Variants in UTS2 observed in about 807,000 individuals in gnomAD.
UTS2 encodes the protein urotensin 2, also known as urotensin-2.
UTS2 carries 10 observed loss-of-function variants against 12.6 expected under a neutral mutation model. The ratio of observed to expected loss-of-function variants is 0.80; its 90% CI spans 0.49 to 1.35. The LOEUF (loss-of-function observed/expected upper bound fraction) is 1.35. Ranked by LOEUF, UTS2 falls within the 40% of genes most tolerant of loss-of-function variation. The probability of loss-of-function intolerance (pLI) is 0.00; values close to 1 mark genes in which losing one functional copy is unlikely to be tolerated. For missense variants in UTS2, 142 were observed against 143.2 expected, an observed-to-expected ratio of 0.99 and a Z score of 0.04; for synonymous variants, 52 against 50.0, an observed-to-expected ratio of 1.04 and a Z score of -0.17.
chr1:7,863,053 G>GTATTGTATT, the UTS2 span, among the ~76,000 whole-genome samples: 2 of 59,618 alleles, frequency 3.4e-5, no homozygotes, highest in African/African-American at 6.0e-5. Context: ...GTATTGTATT[G>GTATTGTATT]TATTGTATTG....
the UTS2 span, among the ~76,000 whole-genome samples, chr1:7,902,014 G>A: frequency 6.6e-6 from 1 of 152,298 alleles, no homozygotes; most frequent in Admixed American, 6.5e-5. Context: ...GATGAGGTGG[G>A]AGAGAATGAC....
At chr1:7,858,024 A>G (rs1294473836), upstream of UTS2, among the ~76,000 whole-genome samples, 3 of 152,254 alleles carry the variant, frequency 2.0e-5, no homozygotes, top group African/African-American at 7.2e-5. Flanking sequence ...GACCATTTCA[A>G]AATGAGGTGG....
the UTS2 span, among the ~76,000 whole-genome samples, chr1:7,865,000 C>T: frequency 1.4e-5 from 1 of 69,210 alleles, no homozygotes; most frequent in East Asian, 7.8e-4. Context: ...ATACCATCAT[C>T]CCCCTGTGTC....
the UTS2 span, among the ~76,000 whole-genome samples, chr1:7,888,022 T>C: frequency 1.3e-5 from 2 of 152,202 alleles, no homozygotes; most frequent in Admixed American, 6.5e-5. Context: ...CTTGCCTAAG[T>C]GGTCTAAGAT....
chr1:7,885,445 G>A, the UTS2 span, among the ~76,000 whole-genome samples: 11 of 152,282 alleles, frequency 7.2e-5, no homozygotes, highest in African/African-American at 2.2e-4. Flanking sequence ...AGGAAGGACA[G>A]GAGATGGCCC....
At chr1:7,886,675 C>T in the UTS2 span, among the ~76,000 whole-genome samples, 2 of 152,224 alleles carry the variant, frequency 1.3e-5, no homozygotes, top group African/African-American at 4.8e-5. Flanking sequence ...TCACTTTCTG[C>T]TTCAGTTTTC....
At chr1:7,874,807 G>A in the UTS2 span, among the ~76,000 whole-genome samples, 4 of 152,164 alleles carry the variant, frequency 2.6e-5, no homozygotes, top group South Asian at 2.1e-4. Context: ...TTACAGGGGC[G>A]GTTTCCTCCA....
chr1:7,890,184 T>C, the UTS2 span, among the ~76,000 whole-genome samples: 3 of 151,110 alleles, frequency 2.0e-5, no homozygotes, highest in African/African-American at 7.3e-5. Flanking sequence ...CCCTCCTCCC[T>C]CCATTAAGAG....
At chr1:7,893,794 G>T in the UTS2 span, among the ~76,000 whole-genome samples, 2 of 152,050 alleles carry the variant, frequency 1.3e-5, no homozygotes, top group East Asian at 3.9e-4. Context: ...ATATTTCGTC[G>T]CACTTTTTAA....
chr1:7,868,186 G>T, the UTS2 span, among the ~76,000 whole-genome samples: 1 of 152,114 alleles, frequency 6.6e-6, no homozygotes, highest in Non-Finnish European at 1.5e-5. Flanking sequence ...GTTAATGAGG[G>T]TGTCTTGCAG....
At chr1:7,886,046 T>TAAGGTATCCCAGGTA in the UTS2 span, among the ~76,000 whole-genome samples, 1 of 151,490 alleles carries the variant, frequency 6.6e-6, no homozygotes, top group Non-Finnish European at 1.5e-5. Flanking sequence ...CCGCACCTGT[T>TAAGGTATCCCAGGTA]CCCAGGTGTA....
At chr1:7,852,178 C>CTA (rs2097414870) in intron 1 of UTS2, among the ~76,000 whole-genome samples, 1 of 151,718 alleles carries the variant, frequency 6.6e-6, no homozygotes. Flanking sequence ...TAAAAAAAGC[C>CTA]TATTTAAAAA....
the UTS2 span, among the ~76,000 whole-genome samples, chr1:7,894,005 C>T: frequency 8.0e-3 from 1,211 of 152,270 alleles, 7 homozygotes; most frequent in Admixed American, 0.013. Context: ...TCTCTCTGCC[C>T]AGTGGTGGGG....
the UTS2 span, among the ~76,000 whole-genome samples, chr1:7,891,265 C>T: frequency 6.6e-6 from 1 of 152,068 alleles, no homozygotes; most frequent in South Asian, 2.1e-4. Context: ...CTATCATTAA[C>T]GATGCATTAT....
upstream of UTS2, among the ~76,000 whole-genome samples, chr1:7,856,643 G>A (rs2151385208): frequency 1.3e-5 from 2 of 152,410 alleles, no homozygotes; most frequent in Middle Eastern, 6.8e-3. Context: ...CCTCTAAGAT[G>A]GAAAGTGCTC....
At chr1:7,874,676 C>G in the UTS2 span, among the ~76,000 whole-genome samples, 2 of 152,236 alleles carry the variant, frequency 1.3e-5, no homozygotes, top group Non-Finnish European at 2.9e-5. Context: ...CCCCCAGCAG[C>G]GGGGTCACTG....
At chr1:7,898,071 A>G in the UTS2 span, among the ~76,000 whole-genome samples, 1 of 152,218 alleles carries the variant, frequency 6.6e-6, no homozygotes, top group Non-Finnish European at 1.5e-5. Context: ...CTACAGATTT[A>G]GGGTTGTCCA....
the UTS2 span, among the ~76,000 whole-genome samples, chr1:7,899,654 C>G: frequency 6.6e-6 from 1 of 152,130 alleles, no homozygotes; most frequent in South Asian, 2.1e-4. Flanking sequence ...ACTACAGGCA[C>G]GAACCACTGC....
the UTS2 span, among the ~76,000 whole-genome samples, chr1:7,863,213 G>C: frequency 1.3e-5 from 2 of 151,964 alleles, no homozygotes; most frequent in Non-Finnish European, 2.9e-5. Flanking sequence ...CCGGGTTCAA[G>C]TGATTCTCCT....
Sources: gnomAD v4.1 joint callset for allele counts (sites outside exome capture counted in the v4.1 genomes callset) on GRCh38, gnomAD v4.1.1 for gene constraint, MANE v1.5 for transcripts, NCBI Gene and HGNC (gene_info 2026-07-23, HGNC 2026-07-21) for gene names.